MYH7B: variants seen among roughly 807,000 people sequenced by gnomAD.
MYH7B encodes myosin-7B.
Under a neutral mutation model 234.5 loss-of-function variants are expected in MYH7B, and 205 were observed. The observed-to-expected ratio is 0.87, with a 90% CI of 0.78 to 0.98. The LOEUF is 0.98. Among genes scored for constraint, MYH7B ranks in the 50% least tolerant of loss-of-function variants. MYH7B has a pLI of 0.00. For missense variants in MYH7B, 2,652 were observed against 2,633.4 expected, an observed-to-expected ratio of 1.01 and a Z score of -0.15; for synonymous variants, 1,193 against 1,105.0, an observed-to-expected ratio of 1.08 and a Z score of -1.58.
chr20:34,993,056 C>T (rs1024651351), intron 24 of MYH7B, 46 bp from the exon 25 acceptor site: 1 of 1,585,370 alleles, frequency 6.3e-7, no homozygotes, highest in Non-Finnish European at 8.6e-7. Flanking sequence ...GTGGCCTGTG[C>T]CCCATACCCA....
chr20:35,001,948 G>A (rs1450496474), exon 44 of MYH7B: 2 of 1,612,212 alleles, frequency 1.2e-6, no homozygotes, highest in African/African-American at 1.3e-5. Context: ...GTGCCCCCAG[G>A]AGCAGCAGGC....
rs984583145 is a variant in MYH7B at position 34,985,996 on chromosome 20, CCCCTGCA to C, written c.806-102_806-96del. The C allele has an allele frequency of 9.3e-6, 9 of 962,688 alleles. No homozygotes were observed. In the African/African-American group the frequency reaches 1.5e-4, roughly 16 times the overall value. 59.6% of individuals were successfully genotyped at this position (962,688 alleles called of 1,614,324 possible). ...CAAGCTGGCAGGTGCAGATGCAGCC[CCCCTGCA>C]CACTCCCTGCCCACCTCTCTCCCTC... On this transcript the variant is annotated intron_variant, in intron 13 of 44. Coordinates refer to ENST00000262873, the Ensembl canonical transcript of MYH7B.
chr20:34,958,844 G>A (rs994505759), intron 2 of MYH7B, among the ~76,000 whole-genome samples: 1 of 152,138 alleles, frequency 6.6e-6, no homozygotes, highest in Non-Finnish European at 1.5e-5. Context: ...TAGAATGTGA[G>A]CCCCATGAAA....
chr20:34,972,006 G>A lies in MYH7B; in HGVS notation c.-221-3394G>A, dbSNP rs77485149. 8.4e-3 allele frequency among the ~76,000 whole-genome samples: 1,278 copies of A among 152,206 alleles called. 20 individuals carry two copies. Among genetic ancestry groups the A allele is most frequent in the African/African-American group, 0.029 (1,216 of 41,524 alleles). ...ACCCTGCCTTGGAGTTCTAGGTCAT[G>A]CTGTCCATTTCCTGTCCCCTCTTGC... On this transcript the variant is annotated intron_variant, in intron 2 of 44. Transcript: ENST00000262873.
At chr20:34,999,927 TC>T in intron 38 of MYH7B, 21 bp downstream of exon 38, 1 of 1,597,466 alleles carries the variant, frequency 6.3e-7, no homozygotes, top group South Asian at 1.1e-5. Context: ...CCTTCTCCCG[TC>T]CCCACCTCCC....
intron 1 of MYH7B, among the ~76,000 whole-genome samples, chr20:34,957,519 CGTT>C (rs1315409713): frequency 4.5e-5 from 3 of 67,252 alleles, no homozygotes; most frequent in East Asian, 8.6e-4. Flanking sequence ...ACGGAGTTTT[CGTT>C]GTTGTTGCCC....
At chr20:34,988,802 AT>A (rs2082083069) in intron 19 of MYH7B, among the ~76,000 whole-genome samples, 1 of 129,018 alleles carries the variant, frequency 7.8e-6, no homozygotes, top group African/African-American at 3.0e-5. Flanking sequence ...GAAATCCTTT[AT>A]CCCTTTTTTT....
rs759590779 is a variant in MYH7B at position 34,990,997 on chromosome 20, C to T, written c.2066-7C>T. On this transcript the variant is annotated splice_region_variant and splice_polypyrimidine_tract_variant and intron_variant, in intron 23 of 44. Transcript: ENST00000262873. Reference sequence around the variant, plus strand: ...TGACCTCTGACCTTTTCCCCTCTCACGTCCAGGGGTCATGGATGCCTTCTT... The same window carrying T: ...TGACCTCTGACCTTTTCCCCTCTCATGTCCAGGGGTCATGGATGCCTTCTT... 17 of 1,607,220 alleles carry T rather than the reference C, an allele frequency of 1.1e-5. No individual in the cohort carries two copies. The highest frequency in any genetic ancestry group is 1.7e-4 in the Middle Eastern group (1 of 6,046).
intron 10 of MYH7B, among the ~76,000 whole-genome samples, chr20:34,983,877 T>G (rs1223492639): frequency 6.6e-6 from 1 of 152,064 alleles, no homozygotes; most frequent in Non-Finnish European, 1.5e-5. Context: ...ATTCCTTCCC[T>G]TCTCTCCCTT....
At chr20:34,976,413 G>A (rs1249833868) in intron 3 of MYH7B, among the ~76,000 whole-genome samples, 2 of 152,204 alleles carry the variant, frequency 1.3e-5, no homozygotes, top group African/African-American at 4.8e-5. Context: ...CATGTGTCTG[G>A]CGTCTGAGGT....
exon 27 of MYH7B, chr20:34,994,298 T>C: frequency 6.2e-7 from 1 of 1,611,216 alleles, no homozygotes; most frequent in East Asian, 2.2e-5. Flanking sequence ...CTGCGGGGGT[T>C]GCGAGGGGCG....
At chr20:34,996,408 G>A (rs746325708) in exon 29 of MYH7B, 6 of 1,613,102 alleles carry the variant, frequency 3.7e-6, no homozygotes, top group Non-Finnish European at 5.1e-6. Context: ...TGACCAAGGA[G>A]AAGAAGGCGT....
Position 34,978,108 on chromosome 20 carries a change from C to T in MYH7B, c.91+12C>T, listed in dbSNP as rs1353005341. On this transcript the variant is annotated intron_variant, in intron 5 of 44. Transcript: ENST00000262873. Reference sequence around the variant, plus strand: ...TATCCCATGGGACGGTAAGTGGAGACAGAGGGGGAGGGGTCATAGCCACAG... The same window carrying T: ...TATCCCATGGGACGGTAAGTGGAGATAGAGGGGGAGGGGTCATAGCCACAG... The T allele has an allele frequency of 6.2e-7, 1 of 1,613,768 alleles. No homozygotes were observed. Among genetic ancestry groups the T allele is most frequent in the East Asian group, 2.2e-5 (1 of 44,872 alleles).
At chr20:34,994,653 C>G (rs188211841) in intron 27 of MYH7B, among the ~76,000 whole-genome samples, 34 of 152,350 alleles carry the variant, frequency 2.2e-4, no homozygotes, top group Middle Eastern at 6.8e-3. Flanking sequence ...CAGCTCTCCC[C>G]TCCCTGCAAT....
Position 34,993,838 on chromosome 20 carries a change from C to T in MYH7B, c.2445-308C>T, listed in dbSNP as rs147620266. 4.6e-5 allele frequency among the ~76,000 whole-genome samples: 7 copies of T among 152,346 alleles called. No homozygotes were observed. The East Asian group carries it at 1.3e-3, about 29-fold the overall frequency. ...GGCCTCCACTCAGCAGAAGGGTGCC[C>T]GTGTCAGAGATCCAGAGCTAGCTGG... On this transcript the variant is annotated intron_variant, in intron 26 of 44. Transcript: ENST00000262873.
chr20:34,988,343 T>C, intron 19 of MYH7B, 81 bp downstream of exon 19: 1 of 1,473,950 alleles, frequency 6.8e-7, no homozygotes, highest in Non-Finnish European at 9.2e-7. Flanking sequence ...ATGGCTTGCA[T>C]GGAAGCCTGC....
intron 9 of MYH7B, chr20:34,981,839 G>A (rs1433347283): frequency 8.0e-6 from 1 of 125,604 alleles, no homozygotes; most frequent in East Asian, 2.5e-4. Context: ...GCCACAGAAT[G>A]AGACTCCATC....
At chr20:34,990,585 C>A in intron 22 of MYH7B, 153 bp from the exon 23 acceptor site, 1 of 774,722 alleles carries the variant, frequency 1.3e-6, no homozygotes, top group Non-Finnish European at 2.3e-6. Context: ...TGATGGGAGA[C>A]AGCGAAGGGT....
At chr20:34,993,992 T>A (rs1467647717) in intron 26 of MYH7B, among the ~76,000 whole-genome samples, 154 bp from the exon 27 acceptor site, 2 of 152,248 alleles carry the variant, frequency 1.3e-5, no homozygotes, top group Admixed American at 1.3e-4. Flanking sequence ...CCTGTGGGAC[T>A]GTGGGCCTCC....
Sources: allele counts gnomAD v4.1 joint callset (sites outside exome capture counted in the v4.1 genomes callset), GRCh38; gene constraint gnomAD v4.1.1; transcripts MANE v1.5; gene names NCBI Gene and HGNC (gene_info 2026-07-23, HGNC 2026-07-21).